Variants in AMTN observed in about 807,000 individuals in gnomAD.
AMTN encodes amelotin, also known as RSTI689.
AMTN carries 29 observed loss-of-function variants against 27.4 expected under a neutral mutation model. That is an observed-to-expected ratio of 1.06 (90% CI 0.79 to 1.44). The LOEUF (loss-of-function observed/expected upper bound fraction) is 1.44, where lower values mean the gene tolerates loss of function less well. Among genes scored for constraint, AMTN ranks in the 40% most tolerant of loss-of-function variants. The pLI is 0.00. For missense variants in AMTN, 247 were observed against 248.8 expected (o/e 0.99, Z 0.05); for synonymous variants, 86 against 95.7 (o/e 0.90, Z 0.59).
At chr4:70,520,980 G>A (rs1735942014) in intron 2 of AMTN, among the ~76,000 whole-genome samples, 2 of 152,206 alleles carry the variant, frequency 1.3e-5, no homozygotes, top group African/African-American at 4.8e-5. Context: ...TGGATGGCCA[G>A]AGCAGAGTGA....
At chr4:70,528,194 AAATGTGCTATCTTG>A (rs1736138663) in intron 5 of AMTN, among the ~76,000 whole-genome samples, 1 of 150,466 alleles carries the variant, frequency 6.6e-6, no homozygotes, top group Non-Finnish European at 1.5e-5. Flanking sequence ...TCTATCTTCT[AAATGTGCTATCTTG>A]AACTGGTTTC....
chr4:70,531,844 C>T (rs1460104232), intron 8 of AMTN, among the ~76,000 whole-genome samples: 7 of 152,104 alleles, frequency 4.6e-5, no homozygotes, highest in East Asian at 1.9e-4. Flanking sequence ...TTTGTAAAAA[C>T]GGGGTTTTGC....
chr4:70,527,022 C>T (rs989164524), intron 5 of AMTN, among the ~76,000 whole-genome samples: 6 of 152,152 alleles, frequency 3.9e-5, no homozygotes, highest in Non-Finnish European at 8.8e-5. Context: ...TGCTTGTGAA[C>T]TCTAGAACCA....
chr4:70,521,449 AAAG>A (rs1214277194), intron 2 of AMTN, among the ~76,000 whole-genome samples: 1 of 149,818 alleles, frequency 6.7e-6, no homozygotes, highest in Non-Finnish European at 1.5e-5. Flanking sequence ...GAGACTGAGA[AAAG>A]AAGCAACAAG....
At chr4:70,520,312 G>T (rs1393647542) in intron 2 of AMTN, among the ~76,000 whole-genome samples, 1 of 152,144 alleles carries the variant, frequency 6.6e-6, no homozygotes, top group African/African-American at 2.4e-5. Flanking sequence ...GAAACATCAC[G>T]ACACATAGAC....
chr4:70,527,229 A>C (rs17733371), intron 5 of AMTN, among the ~76,000 whole-genome samples: 1 of 151,988 alleles, frequency 6.6e-6, no homozygotes, highest in African/African-American at 2.4e-5. Context: ...CATAGTAAAC[A>C]TGCGATGTGT....
chr4:70,525,370 C>G (rs1736079832), intron 5 of AMTN, among the ~76,000 whole-genome samples: 1 of 152,140 alleles, frequency 6.6e-6, no homozygotes, highest in African/African-American at 2.4e-5. Flanking sequence ...TTCAGCAAAT[C>G]TAATTGTCCC....
chr4:70,521,136 T>A (rs140469648), intron 2 of AMTN, among the ~76,000 whole-genome samples: 19 of 151,982 alleles, frequency 1.3e-4, no homozygotes, highest in African/African-American at 4.6e-4. Context: ...TCCCAACACT[T>A]TGGGGGCCAA....
chr4:70,531,583 G>A (rs750997432), intron 8 of AMTN, among the ~76,000 whole-genome samples: 6 of 152,142 alleles, frequency 3.9e-5, no homozygotes, highest in Admixed American at 6.5e-5. Context: ...CATGATCTCG[G>A]CTCACTGCAA....
At position 70,528,662 on chromosome 4, in the gene AMTN, T is replaced by A. The variant is rs975033889; in HGVS notation, c.295-61T>A. 23 of 1,444,486 alleles carry A rather than the reference T, an allele frequency of 1.6e-5. No individual in the cohort carries two copies. The African/African-American group carries it at 2.5e-4, about 16-fold the overall frequency. The allele number at this position is 1,444,486 out of a possible 1,614,324, so 89.5% of individuals were successfully genotyped here. A position where few individuals can be genotyped will look rare whatever the true frequency, so the allele number is the denominator to read the frequency against. On this transcript the variant is annotated intron_variant, in intron 5 of 8. Transcript: ENST00000339336. ...AAGACTCCATCTCCAAAAAAAGATA[T>A]CAGTATTTATACCATCTTCCAGAGC...
rs376682442 is a variant in AMTN at position 70,531,280 on chromosome 4, C to T, written c.599C>T (p.Ala200Val). The change falls in exon 8 of 9, where the codon GCC becomes GTC. Residue 200 changes from alanine to valine, a missense_variant. Transcript: ENST00000339336. ...AGGAGCACACATGCCATCGAGGAAGCCACCACAGAATCAGCAAATGGTAAA... is the reference window on the plus strand; with the variant it reads ...AGGAGCACACATGCCATCGAGGAAGTCACCACAGAATCAGCAAATGGTAAA... The part of the protein sequence containing the change: ...IQRSTHAIEE[A>V]TTESANGIQ 1,261 of 1,613,846 alleles carry T rather than the reference C, an allele frequency of 7.8e-4. 18 individuals carry two copies. In the South Asian group the frequency reaches 0.013, roughly 17 times the overall value.
intron 7 of AMTN, 91 bp from the exon 8 acceptor site, chr4:70,530,948 T>G (rs554427337): frequency 2.0e-6 from 3 of 1,505,998 alleles, no homozygotes; most frequent in Non-Finnish European, 2.7e-6. Context: ...TCTCTCCATC[T>G]TTCCATTCCT....
chr4:70,529,934 C>G (rs897678863), intron 7 of AMTN, among the ~76,000 whole-genome samples: 4 of 152,178 alleles, frequency 2.6e-5, no homozygotes, highest in African/African-American at 9.6e-5. Flanking sequence ...GATGCATGAA[C>G]ATCCATATCC....
chr4:70,522,078 C>T (rs759611718), intron 2 of AMTN, among the ~76,000 whole-genome samples: 41 of 152,158 alleles, frequency 2.7e-4, no homozygotes, highest in Non-Finnish European at 4.7e-4. Flanking sequence ...TTTGGTCAAC[C>T]TGGCAAAAGA....
At chr4:70,527,045 T>C (rs1222795695) in intron 5 of AMTN, among the ~76,000 whole-genome samples, 1 of 151,876 alleles carries the variant, frequency 6.6e-6, no homozygotes, top group East Asian at 1.9e-4. Flanking sequence ...CAATTTCTGG[T>C]TAAATGTCAG....
chr4:70,529,225 A>G lies in AMTN; in HGVS notation c.357+15A>G. 6.5e-7 allele frequency: 1 copy of G among 1,527,510 alleles called. No homozygotes were observed. Among genetic ancestry groups the G allele is most frequent in the South Asian group, 1.3e-5 (1 of 77,966 alleles). The allele number at this position is 1,527,510 out of a possible 1,614,324, so 94.6% of individuals were successfully genotyped here. A position where few individuals can be genotyped will look rare whatever the true frequency, so the allele number is the denominator to read the frequency against. On this transcript the variant is annotated intron_variant, in intron 7 of 8. Transcript: ENST00000339336. The stretch of plus-strand genomic sequence containing the variant: ...CAGAGGAATTGGTAAAAAAAATAAA[A>G]ATACTATTTCAAATTATTTTCACTT...
chr4:70,522,838 G>A lies in AMTN; in HGVS notation c.138G>A (p.Gln46=), dbSNP rs1371881436. The change falls in exon 3 of 9, where the codon CAG becomes CAA. Residue 46 remains glutamine (Q), a splice_region_variant and synonymous_variant. Transcript: ENST00000339336. The part of the protein sequence containing the change: ...GTLPNQQQSN[Q]VFPSLSLIPL... ...TACCAAACCAACAGCAGTCAAATCA[G>A]GTAAGAGTCCTACAATATGGAACAT... is the stretch of plus-strand genomic sequence containing the variant. 1 of 1,613,364 alleles carries A rather than the reference G, an allele frequency of 6.2e-7. No homozygotes were observed. Among genetic ancestry groups the A allele is most frequent in the African/African-American group, 1.3e-5 (1 of 74,846 alleles).
rs377636636 is a variant in AMTN, at chr4:70,529,238, A to G, written c.357+28A>G. ...AAAAAAAATAAAAATACTATTTCAA[A>G]TTATTTTCACTTCTATCACAATGTT... On this transcript the variant is annotated intron_variant, in intron 7 of 8. Transcript: ENST00000339336. The G allele has an allele frequency of 6.0e-5, 90 of 1,493,058 alleles. 1 individual carries two copies. The African/African-American group carries it at 1.1e-3, about 18-fold the overall frequency. The allele number at this position is 1,493,058 out of a possible 1,614,324, so 92.5% of individuals were successfully genotyped here.
intron 5 of AMTN, 98 bp from the exon 6 acceptor site, chr4:70,528,625 G>A (rs1736149172): frequency 9.5e-7 from 1 of 1,053,308 alleles, no homozygotes; most frequent in Non-Finnish European, 1.4e-6. Flanking sequence ...ACTCCAGCCT[G>A]GGCAACAGAG....
Sources: allele counts gnomAD v4.1 joint callset (sites outside exome capture counted in the v4.1 genomes callset), GRCh38; gene constraint gnomAD v4.1.1; transcripts MANE v1.5; gene names NCBI Gene and HGNC (gene_info 2026-07-23, HGNC 2026-07-21).